RIMS2: variants seen among roughly 807,000 people sequenced by gnomAD.
RIMS2 encodes the protein regulating synaptic membrane exocytosis 2.
A neutral mutation model predicts 174.4 loss-of-function variants in RIMS2; 59 were observed. That is an observed-to-expected ratio of 0.34 (90% CI 0.27 to 0.42). The LOEUF (loss-of-function observed/expected upper bound fraction) is 0.42, where lower values mean the gene tolerates loss of function less well. Among genes scored for constraint, RIMS2 ranks in the 10% least tolerant of loss-of-function variants. RIMS2 has a pLI of 1.00. For synonymous variants in RIMS2, 606 were observed against 572.5 expected (o/e 1.06, Z -0.84); for missense variants, 1,620 against 1,666.3 (o/e 0.97, Z 0.48).
intron 3 of RIMS2, chr8:103,880,749 G>GT (rs966948867): frequency 2.7e-5 from 12 of 438,306 alleles, no homozygotes; most frequent in Admixed American, 2.7e-4. Context: ...ATATATTTTT[G>GT]TTTTTTTATA....
intron 1 of RIMS2, among the ~76,000 whole-genome samples, chr8:103,517,901 G>C (rs1401512572): frequency 6.9e-6 from 1 of 145,288 alleles, no homozygotes; most frequent in Non-Finnish European, 1.5e-5. Context: ...TAAAATGCAC[G>C]AATATGATAG....
chr8:104,029,691 A>G (rs1050250558), intron 19 of RIMS2, among the ~76,000 whole-genome samples: 3 of 152,174 alleles, frequency 2.0e-5, no homozygotes, highest in African/African-American at 7.2e-5. Flanking sequence ...AAAACAGCCT[A>G]TTTCTTCTTC....
At chr8:103,573,086 G>A (rs1588040543) in intron 1 of RIMS2, among the ~76,000 whole-genome samples, 1 of 151,824 alleles carries the variant, frequency 6.6e-6, no homozygotes. Context: ...TCTAGATAGA[G>A]TCTCGCTCTG....
At chr8:103,618,052 C>T (rs1388524845) in intron 1 of RIMS2, among the ~76,000 whole-genome samples, 7 of 152,140 alleles carry the variant, frequency 4.6e-5, no homozygotes, top group African/African-American at 1.7e-4. Flanking sequence ...TTCATTGTAG[C>T]ATTGTTCTCA....
intron 3 of RIMS2, among the ~76,000 whole-genome samples, chr8:103,833,288 A>C (rs2098837154): frequency 6.6e-6 from 1 of 152,050 alleles, no homozygotes; most frequent in Non-Finnish European, 1.5e-5. Flanking sequence ...TTCCTTCAAA[A>C]ATTTATCTTT....
At chr8:104,088,551 G>T (rs1163847236) in intron 19 of RIMS2, among the ~76,000 whole-genome samples, 2 of 151,700 alleles carry the variant, frequency 1.3e-5, no homozygotes, top group African/African-American at 4.8e-5. Flanking sequence ...TTCAAAATTG[G>T]GCTTCTATAT....
intron 2 of RIMS2, among the ~76,000 whole-genome samples, chr8:103,701,800 G>A (rs76423444): frequency 0.065 from 9,915 of 151,964 alleles, 397 homozygotes; most frequent in South Asian, 0.088. Context: ...ATTCCATTGT[G>A]TATATATACA....
chr8:103,830,659 T>A (rs1399244205), intron 3 of RIMS2, among the ~76,000 whole-genome samples: 1 of 152,244 alleles, frequency 6.6e-6, no homozygotes, highest in Non-Finnish European at 1.5e-5. Flanking sequence ...TCTGTCTCAG[T>A]GATTTTTTAT....
At chr8:103,600,564 CCTGG>C (rs2094688157) in intron 1 of RIMS2, among the ~76,000 whole-genome samples, 1 of 152,140 alleles carries the variant, frequency 6.6e-6, no homozygotes, top group African/African-American at 2.4e-5. Flanking sequence ...AGCCACCATG[CCTGG>C]CTCACATTTT....
chr8:103,959,103 G>A (rs1391291618), intron 14 of RIMS2, among the ~76,000 whole-genome samples: 1 of 152,158 alleles, frequency 6.6e-6, no homozygotes, highest in African/African-American at 2.4e-5. Flanking sequence ...GAATCTCCAG[G>A]TGTGCTTAGC....
chr8:104,222,284 A>G (rs760577156), intron 19 of RIMS2, among the ~76,000 whole-genome samples: 1 of 152,138 alleles, frequency 6.6e-6, no homozygotes, highest in South Asian at 2.1e-4. Flanking sequence ...ATAAACATCT[A>G]CCATGGTACC....
intron 17 of RIMS2, among the ~76,000 whole-genome samples, chr8:104,005,624 T>C (rs1596954400): frequency 6.6e-6 from 1 of 152,150 alleles, no homozygotes; most frequent in Non-Finnish European, 1.5e-5. Context: ...GCAGTGGGGA[T>C]AGCCTTTTAC....
intron 19 of RIMS2, among the ~76,000 whole-genome samples, chr8:104,206,432 T>C (rs1003302182): frequency 1.3e-5 from 2 of 152,218 alleles, no homozygotes; most frequent in African/African-American, 4.8e-5. Flanking sequence ...TGTAGATGTA[T>C]ATCATGGGAG....
Position 103,781,567 on chromosome 8 carries a change from C to T in RIMS2, c.698+15030C>T, listed in dbSNP as rs1054633438. On this transcript the variant is annotated intron_variant, in intron 3 of 23. Transcript: ENST00000504942. ...TGATAGGTACTTGAAAAAGTTACTA[C>T]GCTTATTTTAAAAAACGGTTCAAAA... Among the ~76,000 whole-genome samples, 4 of 151,918 alleles carry T rather than the reference C, an allele frequency of 2.6e-5. 1 individual carries two copies. Among genetic ancestry groups the T allele is most frequent in the Admixed American group, 1.3e-4 (2 of 15,226 alleles).
At chr8:103,641,843 C>G (rs1418106186) in intron 1 of RIMS2, among the ~76,000 whole-genome samples, 1 of 152,082 alleles carries the variant, frequency 6.6e-6, no homozygotes, top group South Asian at 2.1e-4. Flanking sequence ...ACTTGAGGCC[C>G]TCATCTGATG....
intron 2 of RIMS2, among the ~76,000 whole-genome samples, chr8:103,757,573 G>T (rs1485225194): frequency 6.6e-6 from 1 of 152,088 alleles, no homozygotes; most frequent in African/African-American, 2.4e-5. Flanking sequence ...ATGGTAGGCA[G>T]AAAAATGGCC....
intron 1 of RIMS2, among the ~76,000 whole-genome samples, chr8:103,548,926 C>G (rs1265852488): frequency 6.6e-6 from 1 of 151,968 alleles, no homozygotes; most frequent in Non-Finnish European, 1.5e-5. Flanking sequence ...AGAGTAACCA[C>G]AAAAAGAATA....
Position 103,601,615 on chromosome 8 carries a change from A to G in RIMS2, c.177-95471A>G, listed in dbSNP as rs981569243. On this transcript the variant is annotated intron_variant, in intron 1 of 23. Coordinates refer to ENST00000504942, the Ensembl canonical transcript of RIMS2. ...AGATCATGGAGTTTTTTTTTCATCT[A>G]TTCAGCCACTCTGTGTCTTTTGATT... is the stretch of plus-strand genomic sequence containing the variant. 2.6e-5 allele frequency among the ~76,000 whole-genome samples: 4 copies of G among 151,400 alleles called. No homozygotes were observed. In the East Asian group the frequency reaches 5.8e-4, roughly 22 times the overall value.
intron 1 of RIMS2, among the ~76,000 whole-genome samples, chr8:103,558,410 G>A (rs1347256112): frequency 6.6e-6 from 1 of 152,102 alleles, no homozygotes; most frequent in African/African-American, 2.4e-5. Context: ...TTTTTGTAGA[G>A]ATGGGGTTTT....
Sources: gnomAD v4.1 joint callset for allele counts (sites outside exome capture counted in the v4.1 genomes callset) on GRCh38, gnomAD v4.1.1 for gene constraint, MANE v1.5 for transcripts, NCBI Gene and HGNC (gene_info 2026-07-23, HGNC 2026-07-21) for gene names.